WWC1: variants seen among roughly 807,000 people sequenced by gnomAD.
WWC1 encodes protein KIBRA.
Under a neutral mutation model 138.4 loss-of-function variants are expected in WWC1, and 55 were observed. The ratio of observed to expected loss-of-function variants is 0.40; its 90% CI spans 0.32 to 0.50. The LOEUF (loss-of-function observed/expected upper bound fraction) is 0.50, where lower values mean the gene tolerates loss of function less well. WWC1 is among the 20% of genes least tolerant of loss of function. The pLI, the probability that WWC1 is intolerant of heterozygous loss-of-function variation, is 0.72. For synonymous variants in WWC1, 524 were observed against 564.9 expected (o/e 0.93, Z 1.03); for missense variants, 1,226 against 1,420.4 (o/e 0.86, Z 2.20).
intron 17 of WWC1, among the ~76,000 whole-genome samples, chr5:168,447,990 C>T (rs1755434683): frequency 6.6e-6 from 1 of 152,200 alleles, no homozygotes; most frequent in Admixed American, 6.5e-5. Flanking sequence ...GGCACAAGAT[C>T]AGTGGTTTCC....
At chr5:168,426,651 C>T (rs780348823) in intron 11 of WWC1, among the ~76,000 whole-genome samples, 2 of 152,216 alleles carry the variant, frequency 1.3e-5, no homozygotes, top group Non-Finnish European at 2.9e-5. Flanking sequence ...AGGAGGTCTC[C>T]GCGGGCTCAG....
intron 2 of WWC1, among the ~76,000 whole-genome samples, chr5:168,382,913 C>T (rs1458544521): frequency 1.3e-5 from 2 of 152,232 alleles, no homozygotes; most frequent in East Asian, 1.9e-4. Flanking sequence ...CAGTGCCTCA[C>T]GCCTGTAATC....
At chr5:168,428,247 G>C in intron 12 of WWC1, 106 bp downstream of exon 12, 1 of 1,138,450 alleles carries the variant, frequency 8.8e-7, no homozygotes, top group South Asian at 1.5e-5. Context: ...CCCACAGTGT[G>C]TGGGAGGAGC....
At chr5:168,390,788 C>T (rs973919552) in intron 3 of WWC1, among the ~76,000 whole-genome samples, 15 of 152,218 alleles carry the variant, frequency 9.9e-5, no homozygotes, top group African/African-American at 2.9e-4. Flanking sequence ...ACTTTGCTGT[C>T]GACTCGCTGG....
intron 14 of WWC1, 89 bp from the exon 15 acceptor site, chr5:168,431,163 G>C: frequency 8.4e-7 from 1 of 1,196,882 alleles, no homozygotes; most frequent in Non-Finnish European, 1.2e-6. Flanking sequence ...ACTGTTGTTT[G>C]CTTAGGGATT....
rs763253959 is a variant in WWC1, at chr5:168,312,815, CTTTTTTT to C, written c.119+20561_119+20567del. On this transcript the variant is annotated intron_variant, in intron 1 of 22. Transcript: ENST00000265293. ...TCATGGGTGACTGGTATCCTAAGTA[CTTTTTTT>C]TTTTTTTTTTTTTTTTAGAGTCTAG... is the stretch of plus-strand genomic sequence containing the variant. 4.9e-4 allele frequency among the ~76,000 whole-genome samples: 61 copies of C among 123,770 alleles called. No individual in the cohort carries two copies. In the East Asian group the frequency reaches 0.014, roughly 27 times the overall value. 81.2% of individuals were successfully genotyped at this position (123,770 alleles called of 152,430 possible).
intron 2 of WWC1, among the ~76,000 whole-genome samples, chr5:168,373,172 G>C (rs900989693): frequency 1.3e-5 from 2 of 152,202 alleles, no homozygotes; most frequent in Non-Finnish European, 2.9e-5. Context: ...CTGATGTGCA[G>C]GAGACCTAAT....
chr5:168,384,452 A>G (rs1777882234), intron 2 of WWC1, among the ~76,000 whole-genome samples: 1 of 152,190 alleles, frequency 6.6e-6, no homozygotes, highest in Non-Finnish European at 1.5e-5. Context: ...TAACATTTTA[A>G]GGCTCTTAAT....
intron 1 of WWC1, among the ~76,000 whole-genome samples, chr5:168,320,137 T>C (rs1771940657): frequency 6.6e-6 from 1 of 151,636 alleles, no homozygotes; most frequent in Non-Finnish European, 1.5e-5. Context: ...CAGATTCAAG[T>C]GATTTTCCTG....
At chr5:168,444,795 A>T (rs1755088464) in intron 17 of WWC1, among the ~76,000 whole-genome samples, 1 of 151,880 alleles carries the variant, frequency 6.6e-6, no homozygotes, top group African/African-American at 2.4e-5. Context: ...TTCGTTTCCC[A>T]TGAATCACCT....
At chr5:168,310,069 C>G (rs909090471) in intron 1 of WWC1, among the ~76,000 whole-genome samples, 1 of 152,228 alleles carries the variant, frequency 6.6e-6, no homozygotes. Context: ...GGACACACTG[C>G]TGACCTTCTC....
At chr5:168,361,819 C>T (rs886207580) in intron 1 of WWC1, among the ~76,000 whole-genome samples, 7 of 152,288 alleles carry the variant, frequency 4.6e-5, no homozygotes, top group East Asian at 3.9e-4. Context: ...CGGTGGCTCA[C>T]GCCTGTAATC....
At chr5:168,373,712 T>C (rs1776929659) in intron 2 of WWC1, among the ~76,000 whole-genome samples, 1 of 107,202 alleles carries the variant, frequency 9.3e-6, no homozygotes, top group Admixed American at 1.3e-4. Flanking sequence ...AGCAAGGCCT[T>C]GTCTCTTAAA....
At chr5:168,419,799 GAC>G (rs1780942774) in intron 9 of WWC1, among the ~76,000 whole-genome samples, 1 of 152,208 alleles carries the variant, frequency 6.6e-6, no homozygotes. Flanking sequence ...CAGGGGCAAA[GAC>G]ACACCCTGGA....
intron 2 of WWC1, among the ~76,000 whole-genome samples, chr5:168,377,228 T>A (rs763303803): frequency 3.9e-5 from 6 of 152,194 alleles, no homozygotes; most frequent in African/African-American, 1.4e-4. Context: ...GCGAGCCATA[T>A]GCAAAAGAAT....
At chr5:168,372,967 C>G (rs1196610639) in intron 2 of WWC1, among the ~76,000 whole-genome samples, 2 of 152,254 alleles carry the variant, frequency 1.3e-5, no homozygotes, top group Non-Finnish European at 2.9e-5. Context: ...AATGAGTGGA[C>G]TGTTGTTGGC....
intron 9 of WWC1, among the ~76,000 whole-genome samples, chr5:168,420,231 T>C (rs6881013): frequency 0.43 from 65,490 of 151,910 alleles, 15,573 homozygotes; most frequent in East Asian, 0.77. Context: ...TTTCTCACAG[T>C]CTGGAAGCTA....
intron 2 of WWC1, among the ~76,000 whole-genome samples, chr5:168,384,588 G>A (rs908482400): frequency 1.3e-5 from 2 of 152,052 alleles, no homozygotes; most frequent in Admixed American, 1.3e-4. Context: ...CTTCACCAAA[G>A]GAGATTACCT....
intron 1 of WWC1, among the ~76,000 whole-genome samples, chr5:168,350,569 G>A (rs1279337621): frequency 6.6e-6 from 1 of 152,118 alleles, no homozygotes; most frequent in Non-Finnish European, 1.5e-5. Flanking sequence ...GCTCTCCCTT[G>A]GCTCCCTACT....
Sources: allele counts gnomAD v4.1 joint callset (sites outside exome capture counted in the v4.1 genomes callset), GRCh38; gene constraint gnomAD v4.1.1; transcripts MANE v1.5; gene names NCBI Gene and HGNC (gene_info 2026-07-23, HGNC 2026-07-21).